TMIGD3: variants seen among roughly 807,000 people sequenced by gnomAD.
TMIGD3 encodes the protein transmembrane and immunoglobulin domain containing 3, also known as AD026 protein (AD026).
A neutral mutation model predicts 28.1 loss-of-function variants in TMIGD3; 21 were observed. The observed-to-expected ratio is 0.75, with a 90% CI of 0.53 to 1.08. TMIGD3 has a LOEUF of 1.08. Ranked by LOEUF, TMIGD3 falls within the 50% of genes least tolerant of loss-of-function variation. TMIGD3 has a pLI of 0.00. For missense variants in TMIGD3, 416 were observed against 435.6 expected, an observed-to-expected ratio of 0.96 and a Z score of 0.40; for synonymous variants, 151 against 162.1, an observed-to-expected ratio of 0.93 and a Z score of 0.52.
Position 111,485,726 on chromosome 1 carries a change from C to CAAAA in TMIGD3, c.973+13_973+14insTTTT. ...AATTCTTGCCCACCCCCTCCCTCAA[C>CAAAA]AATAGCTACTTACCCCTTCTATTCC... On this transcript the variant is annotated intron_variant, in intron 5 of 5. Coordinates refer to ENST00000369716, the MANE Select transcript of TMIGD3 (RefSeq NM_020683.7). 1.2e-6 allele frequency: 1 copy of CAAAA among 850,660 alleles called. No individual in the cohort carries two copies. 52.7% of individuals were successfully genotyped at this position (850,660 alleles called of 1,614,324 possible).
chr1:111,521,341 A>C (rs1352160738), intron 1 of TMIGD3, among the ~76,000 whole-genome samples: 1 of 152,166 alleles, frequency 6.6e-6, no homozygotes, highest in Non-Finnish European at 1.5e-5. Flanking sequence ...TCACTAAAGA[A>C]ATTGCCAAAT....
intron 1 of TMIGD3, among the ~76,000 whole-genome samples, chr1:111,548,770 C>G (rs1367467740): frequency 1.3e-5 from 2 of 152,198 alleles, no homozygotes; most frequent in East Asian, 3.9e-4. Context: ...GGGCGTTGTC[C>G]CCATAAACTT....
intron 1 of TMIGD3, chr1:111,499,292 A>G: frequency 3.3e-6 from 1 of 306,274 alleles, no homozygotes; most frequent in Non-Finnish European, 4.8e-6. Flanking sequence ...AGGAATAAGG[A>G]TCAGGGTGTT....
intron 1 of TMIGD3, chr1:111,500,856 T>G: frequency 2.0e-6 from 1 of 488,166 alleles, no homozygotes; most frequent in South Asian, 5.0e-5. Flanking sequence ...AGTCAAGTGC[T>G]TACGTGCTCC....
At position 111,503,538 on chromosome 1, in the gene TMIGD3, T is replaced by C; in HGVS notation, c.-184A>G. 1.4e-6 allele frequency: 2 copies of C among 1,416,200 alleles called. No homozygotes were observed. Among genetic ancestry groups the C allele is most frequent in the Non-Finnish European group, 1.8e-6 (2 of 1,087,816 alleles). The allele number at this position is 1,416,200 out of a possible 1,614,324, so 87.7% of individuals were successfully genotyped here. ...GTGATCTCTTGGAAACCCTTCTCCT[T>C]AGAAAGGGCTCATCACAGGTGGGTC... On this transcript the variant is annotated 5_prime_UTR_variant, in exon 1 of 6. It removes the in-frame stop codon of an upstream open reading frame in the 5' UTR. Coordinates refer to ENST00000369716, the MANE Select transcript of TMIGD3 (RefSeq NM_020683.7).
At chr1:111,494,324 G>T (rs1239454342) in intron 1 of TMIGD3, among the ~76,000 whole-genome samples, 1 of 152,174 alleles carries the variant, frequency 6.6e-6, no homozygotes, top group Non-Finnish European at 1.5e-5. Context: ...CATAGTCTCA[G>T]CCCAAAAGCT....
chr1:111,483,480 T>C lies in TMIGD3; in HGVS notation c.*207A>G, dbSNP rs1034427643. 9.0e-6 allele frequency: 5 copies of C among 552,696 alleles called. No homozygotes were observed. In the Admixed American group the frequency reaches 9.5e-5, roughly 10 times the overall value. The allele number at this position is 552,696 out of a possible 1,614,324, so 34.2% of individuals were successfully genotyped here. ...TAAGAACTAAGATCTTGAGATGTTATTTGAGGGCAGCCTTGCTTGGGTGTG... is the reference window on the plus strand; with the variant it reads ...TAAGAACTAAGATCTTGAGATGTTACTTGAGGGCAGCCTTGCTTGGGTGTG... On this transcript the variant is annotated 3_prime_UTR_variant, in exon 6 of 6. Transcript: ENST00000369716.
At chr1:111,499,570 T>A in intron 1 of TMIGD3, 2 of 1,022,690 alleles carry the variant, frequency 2.0e-6, no homozygotes, top group South Asian at 3.9e-5. Context: ...AATTCCACAA[T>A]GGTATGGAAA....
At chr1:111,486,473 G>A (rs1571396589) in intron 4 of TMIGD3, 113 bp downstream of exon 4, 2 of 726,552 alleles carry the variant, frequency 2.8e-6, no homozygotes, top group East Asian at 2.6e-5. Flanking sequence ...GAAATAATGT[G>A]CAGTAGAAAA....
chr1:111,500,607 T>G, intron 1 of TMIGD3: 1 of 1,556,602 alleles, frequency 6.4e-7, no homozygotes, highest in East Asian at 2.3e-5. Flanking sequence ...TGCTAAAGGG[T>G]AGGGGAGATG....
At chr1:111,483,875 A>G (rs1472711700) in intron 5 of TMIGD3, 118 bp from the exon 6 acceptor site, 8 of 753,904 alleles carry the variant, frequency 1.1e-5, no homozygotes, top group Non-Finnish European at 1.8e-5. Context: ...ACTAAACACA[A>G]GTTTATTTTC....
At chr1:111,491,849 T>C (rs990993108) in intron 1 of TMIGD3, among the ~76,000 whole-genome samples, 1 of 152,250 alleles carries the variant, frequency 6.6e-6, no homozygotes, top group Non-Finnish European at 1.5e-5. Flanking sequence ...TATTAGGATA[T>C]AATTATTCAA....
intron 1 of TMIGD3, among the ~76,000 whole-genome samples, chr1:111,523,281 A>G (rs1175722513): frequency 6.6e-6 from 1 of 152,238 alleles, no homozygotes; most frequent in Admixed American, 6.5e-5. Context: ...TGGATTATAA[A>G]TTGGATTTTG....
upstream of TMIGD3, chr1:111,503,896 CA>C: frequency 1.0e-6 from 1 of 991,748 alleles, no homozygotes. Context: ...GACCAGAGGA[CA>C]GTGCAGGATC....
At chr1:111,556,513 T>G (rs1657498936) in intron 1 of TMIGD3, among the ~76,000 whole-genome samples, 1 of 152,200 alleles carries the variant, frequency 6.6e-6, no homozygotes, top group South Asian at 2.1e-4. Flanking sequence ...TGTGTATAGA[T>G]GGATGAATGG....
intron 1 of TMIGD3, among the ~76,000 whole-genome samples, chr1:111,548,560 A>C (rs1657124231): frequency 6.6e-6 from 1 of 152,202 alleles, no homozygotes; most frequent in African/African-American, 2.4e-5. Context: ...TTCGGTCAGA[A>C]CTGGGTAAGC....
chr1:111,500,666 T>A, intron 1 of TMIGD3: 1 of 1,050,746 alleles, frequency 9.5e-7, no homozygotes, highest in Non-Finnish European at 1.4e-6. Flanking sequence ...TATACTCTCT[T>A]AATTCTCCAA....
At position 111,486,671 on chromosome 1, in the gene TMIGD3, G is replaced by A. The variant is rs755799415; in HGVS notation, c.806-19C>T. On this transcript the variant is annotated intron_variant, in intron 3 of 5. Transcript: ENST00000369716. ...GATAGGTCTGAATCAGAAAGGATTT[G>A]TTAAGTCAGGTGAGGCCCATAGCCA... 6.2e-7 allele frequency: 1 copy of A among 1,610,610 alleles called. No homozygotes were observed. Among genetic ancestry groups the A allele is most frequent in the South Asian group, 1.1e-5 (1 of 90,926 alleles).
chr1:111,506,272 T>A (rs902215187), upstream of TMIGD3, among the ~76,000 whole-genome samples: 8 of 152,210 alleles, frequency 5.3e-5, no homozygotes, highest in Non-Finnish European at 1.2e-4. Context: ...ACATTTTTGA[T>A]GAATGAATAG....
Sources: gnomAD v4.1 joint callset for allele counts (sites outside exome capture counted in the v4.1 genomes callset) on GRCh38, gnomAD v4.1.1 for gene constraint, MANE v1.5 for transcripts, NCBI Gene and HGNC (gene_info 2026-07-23, HGNC 2026-07-21) for gene names.